KLHL33: variants seen among roughly 807,000 people sequenced by gnomAD.
The protein encoded by KLHL33 is kelch-like protein 33.
A neutral mutation model predicts 60.8 loss-of-function variants in KLHL33; 46 were observed. That is an observed-to-expected ratio of 0.76 (90% confidence interval 0.60 to 0.97). The LOEUF (loss-of-function observed/expected upper bound fraction) is 0.97. Among genes scored for constraint, KLHL33 ranks in the 50% least tolerant of loss-of-function variants. KLHL33 has a pLI of 0.00. For missense variants in KLHL33, 1,055 were observed against 1,000.0 expected (o/e 1.05, Z -0.74); for synonymous variants, 434 against 432.2 (o/e 1.00, Z -0.05).
In KLHL33 at chr14:20,428,857, C is replaced by A. The variant is rs982908797; in HGVS notation, c.2386G>T (p.Ala796Ser). 3.2e-6 allele frequency: 5 copies of A among 1,549,584 alleles called. No individual in the cohort carries two copies. The East Asian group carries it at 7.3e-5, about 23-fold the overall frequency. The change falls in exon 5 of 5, where the codon GCT becomes TCT. Residue 796 changes from alanine (A) to serine (S), a missense_variant. Physicochemically the swap from Ala to Ser is moderately conservative, Grantham distance 99. Coordinates refer to ENST00000636854, the MANE Select transcript of KLHL33 (RefSeq NM_001365790.2). ...LVPTPHQTKP[A>S]G ...ACACTGTTGCTCCCTCTTCACCCAG[C>A]AGGTTTGGTTTGGTGTGGGGTGGGA...
intron 1 of KLHL33, 37 bp downstream of exon 1, chr14:20,436,062 C>T (rs1880686669): frequency 2.9e-6 from 1 of 343,876 alleles, no homozygotes; most frequent in African/African-American, 2.1e-5. Context: ...TAACCGGGAC[C>T]ACACCCCTCC....
chr14:20,430,812 C>CTAAGTTTGGCCAAACTCT, intron 2 of KLHL33, 93 bp from the exon 3 acceptor site: 2 of 904,910 alleles, frequency 2.2e-6, no homozygotes, highest in Non-Finnish European at 3.2e-6. Context: ...TGGCCAAACT[C>CTAAGTTTGGCCAAACTCT]TAAGTTTGGC....
Position 20,430,110 on chromosome 14 carries a change from A to G in KLHL33, c.1358T>C (p.Leu453Ser), listed in dbSNP as rs1463497404. The G allele has an allele frequency of 8.4e-6, 13 of 1,551,518 alleles. No individual in the cohort carries two copies. The East Asian group carries it at 2.7e-4, about 32-fold the overall frequency. ...GLLPPLTPDL[L>S]HQLMVEADVP... ...ATCAGCCTCTACCATCAGCTGGTGCAACAGATCTGGGGTCAGGGGTGGAAG... is the reference window on the plus strand; with the variant it reads ...ATCAGCCTCTACCATCAGCTGGTGCGACAGATCTGGGGTCAGGGGTGGAAG... The change falls in exon 3 of 5, where the codon TTG becomes TCG. Residue 453 changes from leucine (L) to serine (S), a missense_variant. Physicochemically the swap from Leu to Ser is moderately radical, Grantham distance 145 (BLOSUM62 -2). Coordinates refer to ENST00000636854, the MANE Select transcript of KLHL33 (RefSeq NM_001365790.2).
At chr14:20,431,452 T>C (rs1268976917) in intron 2 of KLHL33, among the ~76,000 whole-genome samples, 1 of 152,200 alleles carries the variant, frequency 6.6e-6, no homozygotes, top group East Asian at 1.9e-4. Flanking sequence ...ACTGGTTGGG[T>C]GTCGTGGCAC....
intron 2 of KLHL33, among the ~76,000 whole-genome samples, chr14:20,433,626 C>T (rs1880591460): frequency 1.3e-5 from 2 of 152,326 alleles, no homozygotes; most frequent in Admixed American, 6.5e-5. Flanking sequence ...TTACTCATTA[C>T]TATACCCTAG....
rs2139267776 is a variant in KLHL33 at position 20,430,517 on chromosome 14, G to A, written c.951C>T (p.Tyr317=). ...LLRAAQAALQ[Y]QSSSCLDLCQ... ...ACAAATCCAAGCAGGAAGAGCTCTGGTACTGCAGAGCAGCCTGGGCAGCTC... is the reference window on the plus strand; with the variant it reads ...ACAAATCCAAGCAGGAAGAGCTCTGATACTGCAGAGCAGCCTGGGCAGCTC... Residue 317 remains tyrosine, a synonymous_variant, in exon 3 of 5, where the codon TAC becomes TAT. Transcript: ENST00000636854. The A allele has an allele frequency of 6.5e-7, 1 of 1,547,234 alleles. No homozygotes were observed. Among genetic ancestry groups the A allele is most frequent in the South Asian group, 1.2e-5 (1 of 84,060 alleles).
chr14:20,428,737 G>T lies in KLHL33; in HGVS notation c.*112C>A. 1 of 960,268 alleles carries T rather than the reference G, an allele frequency of 1.0e-6. No individual in the cohort carries two copies. The highest frequency in any genetic ancestry group is 1.5e-6 in the Non-Finnish European group (1 of 646,296). 59.5% of individuals were successfully genotyped at this position (960,268 alleles called of 1,614,324 possible). On this transcript the variant is annotated 3_prime_UTR_variant, in exon 5 of 5. Coordinates refer to ENST00000636854, the MANE Select transcript of KLHL33 (RefSeq NM_001365790.2). ...ACAAAAGCAGTTTACAATGCACAGT[G>T]TGAGAATAAAATACTACCAAGAATA...
At position 20,435,333 on chromosome 14, in the gene KLHL33, C is replaced by T; in HGVS notation, c.479G>A (p.Gly160Asp). 1.6e-6 allele frequency: 2 copies of T among 1,234,302 alleles called. No individual in the cohort carries two copies. Among genetic ancestry groups the T allele is most frequent in the Non-Finnish European group, 2.0e-6 (2 of 988,100 alleles). 76.5% of individuals were successfully genotyped at this position (1,234,302 alleles called of 1,614,324 possible). ...PPFSLEVSPG[G>D]WEAVLTFAYE... ...GGCAAAGGTCAGCACGGCCTCCCAG[C>T]CCCCTGGGGACACCTCGAGGCTGAA... The change falls in exon 2 of 5, where the codon GGC becomes GAC. Residue 160 changes from glycine (G) to aspartate (D), a missense_variant. By Grantham distance (94) the Gly-to-Asp change is moderately conservative. Transcript: ENST00000636854.
Position 20,429,517 on chromosome 14 carries a change from T to G in KLHL33, c.1826A>C (p.Glu609Ala). ...GCCTGCTTACCTCCAGACATTGAGCTCAGGGTTGTAGGTCTCCACAGAGTC... is the reference window on the plus strand; with the variant it reads ...GCCTGCTTACCTCCAGACATTGAGCGCAGGGTTGTAGGTCTCCACAGAGTC... ...ALDSVETYNP[E>A]LNVWRPAPAL... Residue 609 changes from glutamate (E) to alanine (A), a missense_variant, in exon 4 of 5, where the codon GAG becomes GCG. Transcript: ENST00000636854. The G allele has an allele frequency of 6.4e-7, 1 of 1,551,924 alleles. No homozygotes were observed. Among genetic ancestry groups the G allele is most frequent in the Non-Finnish European group, 8.7e-7 (1 of 1,147,046 alleles).
Position 20,429,048 on chromosome 14 carries a change from A to G in KLHL33, c.2195T>C (p.Leu732Pro). The change falls in exon 5 of 5, where the codon CTG (leucine) becomes CCG (proline). Residue 732 changes from leucine to proline, a missense_variant. Coordinates refer to ENST00000636854, the MANE Select transcript of KLHL33 (RefSeq NM_001365790.2). ...ACGGTGACTGTAGCCCCCGAGCACCAGTAGCTCCCCCTGCAGCACAGCACT... is the reference window on the plus strand; with the variant it reads ...ACGGTGACTGTAGCCCCCGAGCACCGGTAGCTCCCCCTGCAGCACAGCACT... ...AASAVLQGELLVLGGYSHRTY... is the reference protein window; with the variant it reads ...AASAVLQGELPVLGGYSHRTY... 2 of 1,551,732 alleles carry G rather than the reference A, an allele frequency of 1.3e-6. No homozygotes were observed. Among genetic ancestry groups the G allele is most frequent in the Middle Eastern group, 1.7e-4 (1 of 5,992 alleles).
chr14:20,426,713 C>T lies in KLHL33; in HGVS notation c.*2136G>A, dbSNP rs1271403000. The T allele has an allele frequency of 6.6e-6, 1 of 152,030 alleles. No individual in the cohort carries two copies. Among genetic ancestry groups the T allele is most frequent in the Non-Finnish European group, 1.5e-5 (1 of 68,026 alleles). 9.4% of individuals were successfully genotyped at this position (152,030 alleles called of 1,614,324 possible). On this transcript the variant is annotated 3_prime_UTR_variant, in exon 5 of 5. Coordinates refer to ENST00000636854, the MANE Select transcript of KLHL33 (RefSeq NM_001365790.2). ...GCCCAAAGGAATATAAATCATGCCGCTATAAAGACACATGCACACATATGT... is the reference window on the plus strand; with the variant it reads ...GCCCAAAGGAATATAAATCATGCCGTTATAAAGACACATGCACACATATGT...
At position 20,429,489 on chromosome 14, in the gene KLHL33, C is replaced by T. The variant is rs1040948645; in HGVS notation, c.1841+13G>A. 99 of 1,551,948 alleles carry T rather than the reference C, an allele frequency of 6.4e-5. No individual in the cohort carries two copies. The highest frequency in any genetic ancestry group is 1.6e-4 in the Admixed American group (8 of 50,966). On this transcript the variant is annotated intron_variant, in intron 4 of 4. Coordinates refer to ENST00000636854, the MANE Select transcript of KLHL33 (RefSeq NM_001365790.2). Reference sequence around the variant, plus strand: ...TCTCCTAATCTCTCCCAGATGCCCCCTTGCCTGCTTACCTCCAGACATTGA... The same window carrying T: ...TCTCCTAATCTCTCCCAGATGCCCCTTTGCCTGCTTACCTCCAGACATTGA...
At chr14:20,432,926 A>AAAAAAAGAAAGAAAGAAAG (rs1555330502) in intron 2 of KLHL33, among the ~76,000 whole-genome samples, 1 of 104,672 alleles carries the variant, frequency 9.6e-6, no homozygotes, top group African/African-American at 3.8e-5. Context: ...CATCTCAAAA[A>AAAAAAAGAAAGAAAGAAAG]AAAGAAAGAA....
Position 20,429,180 on chromosome 14 carries a change from C to T in KLHL33, c.2063G>A (p.Gly688Asp). The stretch of plus-strand genomic sequence containing the variant: ...CAGGTCCTCAGTCTCACCCAGCCCA[C>T]CTGCCACATACAACCTCCCACCCAA... ...AALGGRLYVA[G>D]GLGETEDLLS... The change falls in exon 5 of 5, where the codon GGT becomes GAT. Residue 688 changes from glycine to aspartate, a missense_variant. Gly to Asp is a moderately conservative substitution (Grantham distance 94). Transcript: ENST00000636854. 1.3e-6 allele frequency: 2 copies of T among 1,551,748 alleles called. No homozygotes were observed. The highest frequency in any genetic ancestry group is 1.2e-5 in the South Asian group (1 of 84,066).
At chr14:20,432,926 A>AAAAAG (rs1555330502) in intron 2 of KLHL33, among the ~76,000 whole-genome samples, 1 of 104,672 alleles carries the variant, frequency 9.6e-6, no homozygotes, top group African/African-American at 3.8e-5. Flanking sequence ...CATCTCAAAA[A>AAAAAG]AAAGAAAGAA....
rs1241279484 is a variant in KLHL33, at chr14:20,427,220, A to G, written c.*1629T>C. ...AAAATAAATTAAAAAAAAAAAAAGA[A>G]AAAGAAAATTGACCTAAACACACAC... On this transcript the variant is annotated 3_prime_UTR_variant, in exon 5 of 5. Transcript: ENST00000636854. 1 of 151,614 alleles carries G rather than the reference A, an allele frequency of 6.6e-6. No individual in the cohort carries two copies. Among genetic ancestry groups the G allele is most frequent in the Non-Finnish European group, 1.5e-5 (1 of 67,922 alleles). The allele number at this position is 151,614 out of a possible 1,614,324, so 9.4% of individuals were successfully genotyped here. A position where few individuals can be genotyped will look rare whatever the true frequency, so the allele number is the denominator to read the frequency against.
intron 2 of KLHL33, among the ~76,000 whole-genome samples, chr14:20,433,289 G>T (rs1048674874): frequency 6.6e-5 from 10 of 152,144 alleles, no homozygotes; most frequent in Admixed American, 1.3e-4. Context: ...ATAAAAAGGT[G>T]GGGGGTAATG....
At chr14:20,433,793 A>G (rs1241835275) in intron 2 of KLHL33, among the ~76,000 whole-genome samples, 1 of 152,216 alleles carries the variant, frequency 6.6e-6, no homozygotes, top group Non-Finnish European at 1.5e-5. Context: ...ATAAATGAAA[A>G]TAGACTTTTG....
chr14:20,428,297 A>G lies in KLHL33; in HGVS notation c.*552T>C, dbSNP rs374160974. The stretch of plus-strand genomic sequence containing the variant: ...GGCAGCCTGTGGTGTCTCGCTGGGA[A>G]ACGCTAGACCAGGCCTACAAAGTTA... On this transcript the variant is annotated 3_prime_UTR_variant, in exon 5 of 5. Transcript: ENST00000636854. 1.9e-4 allele frequency: 29 copies of G among 152,840 alleles called. No homozygotes were observed. The highest frequency in any genetic ancestry group is 3.1e-4 in the African/African-American group (13 of 41,462). The allele number at this position is 152,840 out of a possible 1,614,324, so 9.5% of individuals were successfully genotyped here.
Sources: allele counts gnomAD v4.1 joint callset (sites outside exome capture counted in the v4.1 genomes callset), GRCh38; gene constraint gnomAD v4.1.1; transcripts MANE v1.5; gene names NCBI Gene and HGNC (gene_info 2026-07-23, HGNC 2026-07-21).